Variants in CLCN1 observed in about 807,000 individuals in gnomAD.
CLCN1 encodes the protein chloride channel protein 1.
A neutral mutation model predicts 114.5 loss-of-function variants in CLCN1; 100 were observed. That is an observed-to-expected ratio of 0.87 (90% CI 0.74 to 1.03). The LOEUF (loss-of-function observed/expected upper bound fraction) is 1.03. Ranked by LOEUF, CLCN1 falls within the 50% of genes least tolerant of loss-of-function variation. The probability of loss-of-function intolerance (pLI) is 0.00; values close to 1 mark genes in which losing one functional copy is unlikely to be tolerated. For synonymous variants in CLCN1, 485 were observed against 487.1 expected (o/e 1.00, Z 0.06); for missense variants, 1,188 against 1,250.0 (o/e 0.95, Z 0.75).
At chr7:143,340,515 CT>C (rs1803048987) in intron 14 of CLCN1, among the ~76,000 whole-genome samples, 1 of 151,994 alleles carries the variant, frequency 6.6e-6, no homozygotes, top group Non-Finnish European at 1.5e-5. Context: ...TTCCTTCCTT[CT>C]TTTCTCTCTT....
rs756538708 is a variant in CLCN1 at position 143,339,306 on chromosome 7, GC to G, written c.1457del (p.Pro486LeufsTer5). ...TGCCCATACCCTGCGGAGGCTTCAT[GC>G]CTGTGTTTGTGCTAGGTAAGTTCTG... ...TMPIPCGGFM[P>X]VFVLGAAFGR... On this transcript the variant is annotated frameshift_variant, in exon 13 of 23. Coordinates refer to ENST00000343257, the MANE Select transcript of CLCN1 (RefSeq NM_000083.3). LOFTEE classifies it high-confidence loss of function. The surrounding 1 kb of genome is among the most constrained non-coding windows in gnomAD (Gnocchi z 4.1). 3 of 1,612,948 alleles carry G rather than the reference GC, an allele frequency of 1.9e-6. No homozygotes were observed. The South Asian group carries it at 3.3e-5, about 18-fold the overall frequency.
rs375653328 is a variant in CLCN1 at position 143,321,025 on chromosome 7, G to C, written c.433+230G>C. On this transcript the variant is annotated intron_variant, in intron 3 of 22. Coordinates refer to ENST00000343257, the MANE Select transcript of CLCN1 (RefSeq NM_000083.3). This position sits in a 1 kb window ranked among gnomAD's most constrained non-coding sequence, Gnocchi z 4.2. ...CCAAGCAGTGGATGCCCCTCTAATA[G>C]GGTGGCCAACTTGCCCCAGTTCCCC... Among the ~76,000 whole-genome samples, 119 of 152,238 alleles carry C rather than the reference G, an allele frequency of 7.8e-4. No homozygotes were observed. Among genetic ancestry groups the C allele is most frequent in the African/African-American group, 2.8e-3 (115 of 41,546 alleles).
In CLCN1 at chr7:143,332,420, C is replaced by T. The variant is rs547603982; in HGVS notation, c.1168C>T (p.Arg390Cys). ...KALSQFLAKH[R>C]LLYPGIVTFV... ...CGGTTAACTCTGTTTCTTTTTCAGC[C>T]GCCTGCTGTATCCTGGAATTGTTAC... Residue 390 changes from arginine (R) to cysteine (C), a missense_variant and splice_region_variant, in exon 11 of 23, where the codon CGC becomes TGC. By Grantham distance (180) the Arg-to-Cys change is radical. Coordinates refer to ENST00000343257, the MANE Select transcript of CLCN1 (RefSeq NM_000083.3). 6.2e-6 allele frequency: 10 copies of T among 1,613,442 alleles called. No individual in the cohort carries two copies. Among genetic ancestry groups the T allele is most frequent in the South Asian group, 3.3e-5 (3 of 91,062 alleles).
intron 7 of CLCN1, among the ~76,000 whole-genome samples, chr7:143,327,204 CGT>C (rs1197887302): frequency 1.3e-5 from 2 of 151,292 alleles, no homozygotes; most frequent in Non-Finnish European, 2.9e-5. Flanking sequence ...TGAGATCGCG[CGT>C]CACTGCACTC....
At chr7:143,346,769 T>G in intron 19 of CLCN1, 111 bp downstream of exon 19, 1 of 1,199,704 alleles carries the variant, frequency 8.3e-7, no homozygotes, top group South Asian at 1.2e-5. Context: ...GGAGGAGGAG[T>G]TTAATCATAT....
At chr7:143,316,483 G>A in intron 1 of CLCN1, 91 bp downstream of exon 1, 1 of 1,182,778 alleles carries the variant, frequency 8.5e-7, no homozygotes, top group African/African-American at 1.5e-5. Context: ...GTGAAAAGAG[G>A]GAGCAGTGTT....
Position 143,346,144 on chromosome 7 carries a change from CT to C in CLCN1, c.2178del (p.Pro727LeufsTer67), listed in dbSNP as rs764994718. On this transcript the variant is annotated frameshift_variant, in exon 18 of 23. Transcript: ENST00000343257. LOFTEE classifies it high-confidence loss of function. ...DEDLSGKSEL[P>X]PSLALHPSTT... Reference sequence around the variant, plus strand: ...ACTTCTTACTCTTCCTTACAGCTTCCTCCTTCCCTTGCTCTCCACCCCTCTA... The same window carrying C: ...ACTTCTTACTCTTCCTTACAGCTTCCCCTTCCCTTGCTCTCCACCCCTCTA... 6.3e-7 allele frequency: 1 copy of C among 1,597,988 alleles called. No homozygotes were observed. The highest frequency in any genetic ancestry group is 8.6e-7 in the Non-Finnish European group (1 of 1,165,414).
At chr7:143,320,232 C>T (rs1802388561) in intron 2 of CLCN1, among the ~76,000 whole-genome samples, 1 of 152,232 alleles carries the variant, frequency 6.6e-6, no homozygotes, top group Admixed American at 6.5e-5. Flanking sequence ...GCCTTAGCCT[C>T]CCAAATTCCT....
At chr7:143,330,545 A>G (rs1310712385) in intron 7 of CLCN1, among the ~76,000 whole-genome samples, 2 of 152,066 alleles carry the variant, frequency 1.3e-5, no homozygotes, top group African/African-American at 4.8e-5. Context: ...TTCGTTTTCA[A>G]TCTTCTCTGT....
rs1224227320 is a variant in CLCN1 at position 143,320,712 on chromosome 7, A to G, written c.350A>G (p.Asp117Gly). Residue 117 changes from aspartate to glycine, a missense_variant, in exon 3 of 23, where the codon GAC becomes GGC. Coordinates refer to ENST00000343257, the MANE Select transcript of CLCN1 (RefSeq NM_000083.3). ...GQVVRRKLGEDGIFLVLLGLL... is the reference protein window; with the variant it reads ...GQVVRRKLGEGGIFLVLLGLL... Reference sequence around the variant, plus strand: ...GTGGTGAGAAGAAAATTAGGGGAAGACGGGATCTTTCTGGTGCTTCTGGGA... The same window carrying G: ...GTGGTGAGAAGAAAATTAGGGGAAGGCGGGATCTTTCTGGTGCTTCTGGGA... 6.2e-7 allele frequency: 1 copy of G among 1,613,622 alleles called. No homozygotes were observed. The highest frequency in any genetic ancestry group is 2.2e-5 in the East Asian group (1 of 44,858).
intron 2 of CLCN1, 122 bp downstream of exon 2, chr7:143,319,997 T>C: frequency 9.4e-7 from 1 of 1,068,790 alleles, no homozygotes; most frequent in East Asian, 2.4e-5. Context: ...TCTCCTCTAA[T>C]TGTTTTTAAG....
chr7:143,317,225 A>G (rs1050896641), intron 1 of CLCN1, among the ~76,000 whole-genome samples: 1 of 150,538 alleles, frequency 6.6e-6, no homozygotes, highest in Non-Finnish European at 1.5e-5. Context: ...GAATTTGTCT[A>G]GAGGGCAGTT....
chr7:143,337,570 A>G (rs975139531), intron 12 of CLCN1, among the ~76,000 whole-genome samples: 26 of 152,244 alleles, frequency 1.7e-4, no homozygotes, highest in African/African-American at 6.0e-4. Context: ...TTACAGTGCA[A>G]TTGCGCACAG....
chr7:143,344,391 T>C (rs1453440980), intron 16 of CLCN1, among the ~76,000 whole-genome samples: 2 of 152,218 alleles, frequency 1.3e-5, no homozygotes, highest in Non-Finnish European at 2.9e-5. Flanking sequence ...TTTGAATTAG[T>C]GTAATAAAGA....
intron 20 of CLCN1, among the ~76,000 whole-genome samples, chr7:143,347,518 G>A (rs914579345): frequency 1.3e-5 from 2 of 151,616 alleles, no homozygotes; most frequent in African/African-American, 4.9e-5. Flanking sequence ...ATATTTGGGA[G>A]GCTGAGGCAC....
At position 143,339,401 on chromosome 7, in the gene CLCN1, T is replaced by C; in HGVS notation, c.1471+79T>C. The stretch of plus-strand genomic sequence containing the variant: ...AGGAAACATAAGGAAAGGCCCGGGA[T>C]GCTGGGAGTTTATATTTGTTCTTAA... On this transcript the variant is annotated intron_variant, in intron 13 of 22. Coordinates refer to ENST00000343257, the MANE Select transcript of CLCN1 (RefSeq NM_000083.3). This position sits in a 1 kb window ranked among gnomAD's most constrained non-coding sequence, Gnocchi z 4.1. The C allele has an allele frequency of 1.4e-6, 2 of 1,380,056 alleles. No homozygotes were observed. The highest frequency in any genetic ancestry group is 2.3e-5 in the South Asian group (2 of 86,354). The allele number at this position is 1,380,056 out of a possible 1,614,324, so 85.5% of individuals were successfully genotyped here. A position where few individuals can be genotyped will look rare whatever the true frequency, so the allele number is the denominator to read the frequency against.
chr7:143,330,440 GTATCTGACAGTTGTGAAC>G (rs973076675), intron 7 of CLCN1, among the ~76,000 whole-genome samples: 1 of 151,960 alleles, frequency 6.6e-6, no homozygotes, highest in African/African-American at 2.4e-5. Flanking sequence ...GTCCCTGTGG[GTATCTGACAGTTGTGAAC>G]CCCATTCAAC....
At chr7:143,319,447 T>C (rs1400171687) in intron 1 of CLCN1, among the ~76,000 whole-genome samples, 1 of 152,144 alleles carries the variant, frequency 6.6e-6, no homozygotes, top group African/African-American at 2.4e-5. Flanking sequence ...TTCAGCACAG[T>C]TCTGTACCTC....
intron 1 of CLCN1, among the ~76,000 whole-genome samples, chr7:143,318,905 T>C (rs1802356839): frequency 6.6e-6 from 1 of 152,210 alleles, no homozygotes; most frequent in Admixed American, 6.5e-5. Flanking sequence ...GCTGCTCATA[T>C]TGTGAAATCA....
Sources: allele counts gnomAD v4.1 joint callset (sites outside exome capture counted in the v4.1 genomes callset), GRCh38; gene constraint gnomAD v4.1.1; non-coding constraint Gnocchi (gnomAD v3.1); transcripts MANE v1.5; gene names NCBI Gene and HGNC (gene_info 2026-07-23, HGNC 2026-07-21).